CACNA1C: variants seen among roughly 807,000 people sequenced by gnomAD.
The protein encoded by CACNA1C is calcium voltage-gated channel subunit alpha1 C.
A neutral mutation model predicts 229.0 loss-of-function variants in CACNA1C; 30 were observed. The observed-to-expected ratio is 0.13, with a 90% CI of 0.10 to 0.18. CACNA1C has a LOEUF of 0.18. CACNA1C is among the 10% of genes least tolerant of loss of function. The pLI, the probability that CACNA1C is intolerant of heterozygous loss-of-function variation, is 1.00. For synonymous variants in CACNA1C, 1,114 were observed against 1,132.5 expected (o/e 0.98, Z 0.33); for missense variants, 1,658 against 2,845.0 (o/e 0.58, Z 9.49).
intron 1 of CACNA1C, among the ~76,000 whole-genome samples, chr12:2,032,464 T>A (rs2429146): frequency 1.3e-5 from 2 of 151,976 alleles, no homozygotes; most frequent in African/African-American, 2.4e-5. Context: ...GTTAGCATCT[T>A]GTTTGTCAAC....
In CACNA1C at chr12:2,602,631, TGTGTGTGTG is replaced by T. The variant is rs781070055; in HGVS notation, c.2960+672_2960+680del. On this transcript the variant is annotated intron_variant, in intron 22 of 46. Coordinates refer to ENST00000399655, the MANE Select transcript of CACNA1C (RefSeq NM_000719.7). This position sits in a 1 kb window ranked among gnomAD's most constrained non-coding sequence, Gnocchi z 4.4. ...TGTGTGACTGTGTATATTTGTGTCT[TGTGTGTGTG>T]TGTGTGTGTGTGTGTGTGTGTGTGT... 0.2 allele frequency among the ~76,000 whole-genome samples: 7,828 copies of T among 38,302 alleles called. 270 individuals are homozygous for T. The highest frequency in any genetic ancestry group is 0.29 in the Non-Finnish European group (4,554 of 15,496). The allele number at this position is 38,302 out of a possible 152,430, so 25.1% of individuals were successfully genotyped here.
intron 3 of CACNA1C, among the ~76,000 whole-genome samples, chr12:2,418,252 C>T (rs540430600): frequency 6.6e-6 from 1 of 152,288 alleles, no homozygotes; most frequent in South Asian, 2.1e-4. Flanking sequence ...CTCCCCACCT[C>T]CCACCTCTTT....
At chr12:2,446,319 G>A (rs1477242875) in intron 3 of CACNA1C, among the ~76,000 whole-genome samples, 2 of 143,644 alleles carry the variant, frequency 1.4e-5, no homozygotes, top group African/African-American at 5.2e-5. Flanking sequence ...GTATAGATGG[G>A]TGGTTGGATG....
intron 3 of CACNA1C, among the ~76,000 whole-genome samples, chr12:2,263,956 G>C (rs2081333505): frequency 6.6e-6 from 1 of 152,178 alleles, no homozygotes; most frequent in South Asian, 2.1e-4. Flanking sequence ...GTTCAGCCAA[G>C]TCCTGCCTCG....
At chr12:2,447,162 T>C (rs2099304608) in intron 3 of CACNA1C, among the ~76,000 whole-genome samples, 1 of 152,222 alleles carries the variant, frequency 6.6e-6, no homozygotes, top group Non-Finnish European at 1.5e-5. Flanking sequence ...TCCCCTGTGC[T>C]GTGTTGTCTC....
intron 1 of CACNA1C, chr12:1,997,981 C>T: frequency 6.2e-7 from 1 of 1,607,330 alleles, no homozygotes; most frequent in African/African-American, 1.3e-5. Flanking sequence ...TTCTCCTAAA[C>T]AATAAAAACA....
chr12:2,607,227 C>T lies in CACNA1C; in HGVS notation c.3356+97C>T. 3.1e-6 allele frequency: 4 copies of T among 1,281,748 alleles called. No individual in the cohort carries two copies. The East Asian group carries it at 1.0e-4, about 33-fold the overall frequency. 79.4% of individuals were successfully genotyped at this position (1,281,748 alleles called of 1,614,324 possible). A position where few individuals can be genotyped will look rare whatever the true frequency, so the allele number is the denominator to read the frequency against. ...AAGTTTTGTTAATGTCCCGCACTCC[C>T]TCTGGAGGTCATATTTACCTGGGTC... On this transcript the variant is annotated intron_variant, in intron 26 of 46. Coordinates refer to ENST00000399655, the MANE Select transcript of CACNA1C (RefSeq NM_000719.7).
intron 42 of CACNA1C, chr12:2,680,237 T>G: frequency 1.5e-6 from 1 of 672,758 alleles, no homozygotes; most frequent in Non-Finnish European, 2.4e-6. Context: ...GGGCATCCCC[T>G]GTGGGAGGCG....
At chr12:2,140,266 C>T (rs1437509437) in intron 3 of CACNA1C, among the ~76,000 whole-genome samples, 3 of 151,438 alleles carry the variant, frequency 2.0e-5, no homozygotes, top group African/African-American at 7.2e-5. Context: ...GGAGACCCTC[C>T]AGCAAGAGGA....
intron 1 of CACNA1C, among the ~76,000 whole-genome samples, chr12:2,107,843 G>T (rs1055765062): frequency 1.3e-5 from 2 of 152,170 alleles, no homozygotes; most frequent in Non-Finnish European, 2.9e-5. Context: ...TGCTCTGCTC[G>T]TTATCTTCCC....
intron 3 of CACNA1C, among the ~76,000 whole-genome samples, chr12:2,167,423 A>C (rs960147159): frequency 6.6e-6 from 1 of 152,236 alleles, no homozygotes; most frequent in Admixed American, 6.5e-5. Flanking sequence ...ATTTTGGATT[A>C]TATTCTAGAC....
intron 13 of CACNA1C, among the ~76,000 whole-genome samples, chr12:2,577,961 C>G (rs61210624): frequency 6.6e-6 from 1 of 151,398 alleles, no homozygotes; most frequent in Non-Finnish European, 1.5e-5. Context: ...CTCCGCCTCC[C>G]GGGTTCACGC....
chr12:2,308,486 T>C (rs535740159), intron 3 of CACNA1C, among the ~76,000 whole-genome samples: 1 of 152,338 alleles, frequency 6.6e-6, no homozygotes, highest in East Asian at 1.9e-4. Flanking sequence ...CAAAGATTAG[T>C]TAACCATATA....
At chr12:2,620,945 T>G (rs1382080717) in intron 29 of CACNA1C, among the ~76,000 whole-genome samples, 1 of 152,202 alleles carries the variant, frequency 6.6e-6, no homozygotes, top group Non-Finnish European at 1.5e-5. Flanking sequence ...TCAGAAAGGA[T>G]TGAGACCATT....
At chr12:2,294,025 T>G (rs1462590869) in intron 3 of CACNA1C, among the ~76,000 whole-genome samples, 1 of 152,256 alleles carries the variant, frequency 6.6e-6, no homozygotes, top group African/African-American at 2.4e-5. Context: ...CACCAGCCAC[T>G]GTCAGGCACT....
intron 1 of CACNA1C, among the ~76,000 whole-genome samples, chr12:2,099,832 C>T (rs2075650510): frequency 6.6e-6 from 1 of 152,158 alleles, no homozygotes. Flanking sequence ...CACAGGGAAA[C>T]ACAGGCAGCT....
intron 1 of CACNA1C, among the ~76,000 whole-genome samples, chr12:2,096,363 A>G (rs111309772): frequency 6.6e-6 from 1 of 152,164 alleles, no homozygotes; most frequent in African/African-American, 2.4e-5. Flanking sequence ...AAGCACTTGT[A>G]TAGGGTAGAG....
intron 1 of CACNA1C, among the ~76,000 whole-genome samples, chr12:2,032,738 C>A (rs760186972): frequency 2.0e-5 from 3 of 152,198 alleles, no homozygotes; most frequent in African/African-American, 7.2e-5. Flanking sequence ...GAGCTAACAA[C>A]TGTGCTGTGT....
chr12:2,263,513 A>G (rs553188830), intron 3 of CACNA1C, among the ~76,000 whole-genome samples: 1 of 151,782 alleles, frequency 6.6e-6, no homozygotes, highest in Non-Finnish European at 1.5e-5. Flanking sequence ...TTGAAAGAGA[A>G]TCATTGCTGG....
Sources: gnomAD v4.1 joint callset for allele counts (sites outside exome capture counted in the v4.1 genomes callset) on GRCh38, gnomAD v4.1.1 for gene constraint, Gnocchi (gnomAD v3.1) non-coding constraint, MANE v1.5 for transcripts, NCBI Gene and HGNC (gene_info 2026-07-23, HGNC 2026-07-21) for gene names.